The following AGAP3 variants were observed in gnomAD, a reference collection of about 807,000 sequenced individuals.
AGAP3 encodes the protein arf-GAP with GTPase, ANK repeat and PH domain-containing protein 3.
In AGAP3, 24 loss-of-function variants were observed where a neutral mutation model predicts 96.9. The observed-to-expected ratio is 0.25, with a 90% CI of 0.18 to 0.35. The LOEUF (loss-of-function observed/expected upper bound fraction) is 0.35. Ranked by LOEUF, AGAP3 falls within the 10% of genes least tolerant of loss-of-function variation. The pLI is 1.00. For synonymous variants in AGAP3, 563 were observed against 536.1 expected (o/e 1.05, Z -0.69); for missense variants, 876 against 1,254.2 (o/e 0.70, Z 4.55).
intron 1 of AGAP3, chr7:151,115,183 C>T (rs1277515020): frequency 3.0e-6 from 3 of 1,010,236 alleles, no homozygotes; most frequent in Non-Finnish European, 1.2e-6. Flanking sequence ...CTGGAGCTGG[C>T]GGCCGCCGAG....
At chr7:151,115,602 C>T (rs1259386769) in intron 1 of AGAP3, 1 of 1,166,598 alleles carries the variant, frequency 8.6e-7, no homozygotes, top group Non-Finnish European at 1.1e-6. Context: ...GTGGGGCCGT[C>T]GGGCGGCTGC....
At position 151,114,500 on chromosome 7, in the gene AGAP3, G is replaced by A. The variant is rs1177664076; in HGVS notation, c.332-2293G>A. On this transcript the variant is annotated intron_variant, in intron 1 of 17. Coordinates refer to ENST00000397238, the MANE Select transcript of AGAP3 (RefSeq NM_031946.7). The surrounding 1 kb of genome is among the most constrained non-coding windows in gnomAD (Gnocchi z 4.4). ...AATTTCCTGTTTTCGAGGGCTCCCA[G>A]GGGCTGCCCCAGCAGGCCGGCTCCC... 6.6e-6 allele frequency among the ~76,000 whole-genome samples: 1 copy of A among 152,224 alleles called. No homozygotes were observed. Among genetic ancestry groups the A allele is most frequent in the Non-Finnish European group, 1.5e-5 (1 of 68,030 alleles).
In AGAP3 at chr7:151,133,932, T is replaced by C. The variant is rs1273780469; in HGVS notation, c.1327-468T>C. On this transcript the variant is annotated intron_variant, in intron 10 of 17. Coordinates refer to ENST00000397238, the MANE Select transcript of AGAP3 (RefSeq NM_031946.7). The surrounding 1 kb of genome is among the most constrained non-coding windows in gnomAD (Gnocchi z 5.4). The stretch of plus-strand genomic sequence containing the variant: ...GACAAGTGTTTATTATCAGACACTG[T>C]CCTAAGGGCTGGGACTATTCTAGGC... Among the ~76,000 whole-genome samples the C allele has an allele frequency of 6.6e-6, 1 of 152,174 alleles. No homozygotes were observed. Among genetic ancestry groups the C allele is most frequent in the Non-Finnish European group, 1.5e-5 (1 of 68,022 alleles).
At chr7:151,138,350 G>A in intron 12 of AGAP3, 37 bp downstream of exon 12, 2 of 1,575,190 alleles carry the variant, frequency 1.3e-6, no homozygotes, top group South Asian at 1.2e-5. Context: ...CCTTTTCTGG[G>A]GCCCCAGTGA....
rs1383359387 is a variant in AGAP3, at chr7:151,115,133, G to A, written c.332-1660G>A. The A allele has an allele frequency of 2.9e-6, 3 of 1,040,198 alleles. No individual in the cohort carries two copies. The African/African-American group carries it at 5.2e-5, about 18-fold the overall frequency. The allele number at this position is 1,040,198 out of a possible 1,614,324, so 64.4% of individuals were successfully genotyped here. On this transcript the variant is annotated intron_variant, in intron 1 of 17. Coordinates refer to ENST00000397238, the MANE Select transcript of AGAP3 (RefSeq NM_031946.7). ...GCACCCGCGGGGAGCCGACTCCGCG[G>A]CCCCGGCCGGCCAGCATGACTTTCC... is the stretch of plus-strand genomic sequence containing the variant.
chr7:151,138,975 C>G (rs1320805584), intron 12 of AGAP3, among the ~76,000 whole-genome samples: 1 of 152,194 alleles, frequency 6.6e-6, no homozygotes, highest in Non-Finnish European at 1.5e-5. Flanking sequence ...CCCCTTTGTT[C>G]TCTTTCTCTC....
In AGAP3 at chr7:151,123,896, T is replaced by G; in HGVS notation, c.1221+10T>G. 1 of 1,602,958 alleles carries G rather than the reference T, an allele frequency of 6.2e-7. No individual in the cohort carries two copies. Among genetic ancestry groups the G allele is most frequent in the Non-Finnish European group, 8.5e-7 (1 of 1,179,228 alleles). On this transcript the variant is annotated intron_variant, in intron 9 of 17. Coordinates refer to ENST00000397238, the MANE Select transcript of AGAP3 (RefSeq NM_031946.7). ...CATCCCCATCAAGCAGGTCAGCGCC[T>G]CCCTTCCCGTGTGCTCCAGGGCTCA...
chr7:151,102,714 C>T (rs1798883944), intron 1 of AGAP3, among the ~76,000 whole-genome samples: 1 of 152,030 alleles, frequency 6.6e-6, no homozygotes, highest in African/African-American at 2.4e-5. Flanking sequence ...ATCCCAGGCT[C>T]AGGTGATCCT....
In AGAP3 at chr7:151,140,225, G is replaced by A; in HGVS notation, c.1804+109G>A. The A allele has an allele frequency of 8.0e-7, 1 of 1,243,764 alleles. No homozygotes were observed. The highest frequency in any genetic ancestry group is 1.0e-6 in the Non-Finnish European group (1 of 968,712). The allele number at this position is 1,243,764 out of a possible 1,614,324, so 77.0% of individuals were successfully genotyped here. On this transcript the variant is annotated intron_variant, in intron 13 of 17. Coordinates refer to ENST00000397238, the MANE Select transcript of AGAP3 (RefSeq NM_031946.7). This position sits in a 1 kb window ranked among gnomAD's most constrained non-coding sequence, Gnocchi z 5.4. ...TTATTTTTTGTATTCAGTGGATTAAGCACTTTCTAGTAGTTGCTAATCAAA... is the reference window on the plus strand; with the variant it reads ...TTATTTTTTGTATTCAGTGGATTAAACACTTTCTAGTAGTTGCTAATCAAA...
intron 10 of AGAP3, 52 bp downstream of exon 10, chr7:151,128,736 G>T: frequency 1.4e-6 from 2 of 1,461,538 alleles, no homozygotes; most frequent in Non-Finnish European, 9.6e-7. Context: ...GGGGTGGAGG[G>T]AGGATAACAG....
At chr7:151,127,690 GGA>G (rs1183784728) in intron 9 of AGAP3, among the ~76,000 whole-genome samples, 6 of 152,188 alleles carry the variant, frequency 3.9e-5, no homozygotes, top group Admixed American at 3.9e-4. Context: ...GTTGTTTAAG[GGA>G]GAGAAGCTGA....
intron 8 of AGAP3, among the ~76,000 whole-genome samples, chr7:151,122,499 TGCCGCCCGCCGCC>T (rs1228262912): frequency 4.7e-5 from 7 of 149,868 alleles, no homozygotes; most frequent in African/African-American, 1.8e-4. Context: ...CAGGTGCCGC[TGCCGCCCGCCGCC>T]GCCGCCGCCT....
At chr7:151,105,788 G>T (rs993490163) in intron 1 of AGAP3, among the ~76,000 whole-genome samples, 1 of 2,158 alleles carries the variant, frequency 4.6e-4, no homozygotes, top group Non-Finnish European at 6.7e-4. Context: ...CCCCCCCCCC[G>T]ACACCACACA....
intron 10 of AGAP3, 52 bp downstream of exon 10, chr7:151,128,736 G>A (rs917101555): frequency 6.8e-7 from 1 of 1,461,538 alleles, no homozygotes; most frequent in Non-Finnish European, 9.6e-7. Context: ...GGGGTGGAGG[G>A]AGGATAACAG....
chr7:151,108,768 G>C lies in AGAP3; in HGVS notation c.332-8025G>C, dbSNP rs754197903. 1.3e-5 allele frequency among the ~76,000 whole-genome samples: 2 copies of C among 152,240 alleles called. No individual in the cohort carries two copies. Among genetic ancestry groups the C allele is most frequent in the Non-Finnish European group, 2.9e-5 (2 of 68,038 alleles). ...CTGGGATTCTGGAGTCCTGGGCCCT[G>C]CCCAGGCTCTGTCACTGCTGGGCTG... On this transcript the variant is annotated intron_variant, in intron 1 of 17. Transcript: ENST00000397238. The surrounding 1 kb of genome is among the most constrained non-coding windows in gnomAD (Gnocchi z 4.2).
chr7:151,123,227 CT>C lies in AGAP3; in HGVS notation c.1129-562del. 13 of 1,074,222 alleles carry C rather than the reference CT, an allele frequency of 1.2e-5. No individual in the cohort carries two copies. The South Asian group carries it at 1.5e-4, about 12-fold the overall frequency. The allele number at this position is 1,074,222 out of a possible 1,614,324, so 66.5% of individuals were successfully genotyped here. A position where few individuals can be genotyped will look rare whatever the true frequency, so the allele number is the denominator to read the frequency against. On this transcript the variant is annotated intron_variant, in intron 8 of 17. Transcript: ENST00000397238. ...CGCCGCCGCGCTTGCCTTGCCCCCTCTTTTTGGCCTCCCCCTATTTCCTAGG... is the reference window on the plus strand; with the variant it reads ...CGCCGCCGCGCTTGCCTTGCCCCCTCTTTTGGCCTCCCCCTATTTCCTAGG...
intron 1 of AGAP3, among the ~76,000 whole-genome samples, chr7:151,104,343 C>A (rs1327545894): frequency 6.6e-6 from 1 of 152,194 alleles, no homozygotes; most frequent in African/African-American, 2.4e-5. Context: ...CATGTAATTA[C>A]ATTTCTGGGT....
chr7:151,126,484 T>A (rs1272680514), intron 9 of AGAP3, among the ~76,000 whole-genome samples: 1 of 48,962 alleles, frequency 2.0e-5, no homozygotes, highest in African/African-American at 8.8e-5. Flanking sequence ...CCTAGTGGGG[T>A]GAGGGGAGTC....
Position 151,142,616 on chromosome 7 carries a change from C to T in AGAP3, c.2255C>T (p.Pro752Leu). The T allele has an allele frequency of 6.2e-7, 1 of 1,612,764 alleles. No homozygotes were observed. The change falls in exon 16 of 18, where the codon CCA (proline) becomes CTA (leucine). Residue 752 changes from proline (P) to leucine (L), a missense_variant. Pro to Leu is a moderately conservative substitution (Grantham distance 98). Around this residue, in one of 8 missense-constraint regions of AGAP3, gnomAD observed 213 missense variants for 253.8 expected, o/e 0.84. Coordinates refer to ENST00000397238, the MANE Select transcript of AGAP3 (RefSeq NM_031946.7). The surrounding 1 kb of genome is among the most constrained non-coding windows in gnomAD (Gnocchi z 7.5). The stretch of plus-strand genomic sequence containing the variant: ...GGGGCCTTGGGTGGCTACTCCAAGC[C>T]AGGGCCTGATGCCTGCAGGTGAGCA... ...WEGALGGYSK[P>L]GPDACREEKE...
Sources: allele counts gnomAD v4.1 joint callset (sites outside exome capture counted in the v4.1 genomes callset), GRCh38; gene constraint gnomAD v4.1.1; regional missense constraint gnomAD v4.1.1; non-coding constraint Gnocchi (gnomAD v3.1); transcripts MANE v1.5; gene names NCBI Gene and HGNC (gene_info 2026-07-23, HGNC 2026-07-21).